Variants in NPAS3 observed in about 807,000 individuals in gnomAD.
NPAS3 encodes neuronal PAS domain protein 3.
Under a neutral mutation model 73.1 loss-of-function variants are expected in NPAS3, and 14 were observed. The ratio of observed to expected loss-of-function variants is 0.19; its 90% CI spans 0.13 to 0.30. The LOEUF (loss-of-function observed/expected upper bound fraction) is 0.30. Among genes scored for constraint, NPAS3 ranks in the 10% least tolerant of loss-of-function variants. The pLI is 1.00. For synonymous variants in NPAS3, 620 were observed against 541.5 expected, an observed-to-expected ratio of 1.14 and a Z score of -2.01; for missense variants, 1,096 against 1,250.0, an observed-to-expected ratio of 0.88 and a Z score of 1.86.
Position 33,646,370 on chromosome 14 carries a change from C to T in NPAS3, c.559-29841C>T, listed in dbSNP as rs149026220. Among the ~76,000 whole-genome samples the T allele has an allele frequency of 2.9e-3, 438 of 152,094 alleles. 2 individuals are homozygous for T. The Middle Eastern group carries it at 0.031, about 11-fold the overall frequency. Reference sequence around the variant, plus strand: ...TACATTTTCTTAAATTTATTTAAGACCCATTTTCTCTCCAGCCTTAGAATG... The same window carrying T: ...TACATTTTCTTAAATTTATTTAAGATCCATTTTCTCTCCAGCCTTAGAATG... On this transcript the variant is annotated intron_variant, in intron 5 of 11. Coordinates refer to ENST00000356141, the Ensembl canonical transcript of NPAS3.
At chr14:33,284,462 T>C (rs1387686071) in intron 3 of NPAS3, among the ~76,000 whole-genome samples, 3 of 152,128 alleles carry the variant, frequency 2.0e-5, no homozygotes, top group Non-Finnish European at 4.4e-5. Context: ...TAGGAAGCTG[T>C]ACATGCAGGT....
intron 2 of NPAS3, among the ~76,000 whole-genome samples, chr14:33,086,717 A>G (rs10872873): frequency 0.13 from 20,398 of 152,118 alleles, 1,830 homozygotes; most frequent in Admixed American, 0.27. Context: ...TTTTCTTCCA[A>G]CCCTTTTAAA....
intron 5 of NPAS3, among the ~76,000 whole-genome samples, chr14:33,641,533 G>A (rs1214381962): frequency 1.3e-5 from 2 of 152,146 alleles, no homozygotes; most frequent in Admixed American, 6.5e-5. Context: ...GGGCTAGGGG[G>A]TGATTCTTTT....
chr14:33,559,760 T>G (rs1463448449), intron 4 of NPAS3, among the ~76,000 whole-genome samples: 2 of 152,232 alleles, frequency 1.3e-5, no homozygotes, highest in East Asian at 3.9e-4. Context: ...GGCTTACGCC[T>G]GTAATCCCAG....
At chr14:33,292,319 T>C (rs1287601709) in intron 3 of NPAS3, among the ~76,000 whole-genome samples, 1 of 152,160 alleles carries the variant, frequency 6.6e-6, no homozygotes, top group Non-Finnish European at 1.5e-5. Context: ...GGAAGGATAA[T>C]AGACTCTCAA....
At chr14:33,576,395 T>C (rs1162189377) in intron 5 of NPAS3, among the ~76,000 whole-genome samples, 2 of 152,226 alleles carry the variant, frequency 1.3e-5, no homozygotes, top group Non-Finnish European at 2.9e-5. Flanking sequence ...TTGGTGTCTG[T>C]CGCCTTGAGC....
At chr14:32,993,790 A>G (rs981482673) in intron 1 of NPAS3, among the ~76,000 whole-genome samples, 2 of 151,702 alleles carry the variant, frequency 1.3e-5, no homozygotes, top group African/African-American at 2.4e-5. Flanking sequence ...AAGAAAATGG[A>G]AAAAAAATAA....
In NPAS3 at chr14:33,800,603, G is replaced by T; in HGVS notation, c.2296G>T (p.Gly766Cys). The change falls in exon 12 of 12, where the codon GGC (glycine) becomes TGC (cysteine). Residue 766 changes from glycine to cysteine, a missense_variant. Gly to Cys is a radical substitution (Grantham distance 159, BLOSUM62 -3). Around this residue, in one of 5 missense-constraint regions of NPAS3, gnomAD observed 698 missense variants for 676.7 expected, o/e 1.03. Coordinates refer to ENST00000356141, the Ensembl canonical transcript of NPAS3. The surrounding 1 kb of genome is among the most constrained non-coding windows in gnomAD (Gnocchi z 6.5). Reference sequence around the variant, plus strand: ...CAAGCACCCCGGGAACGGCGGCGGGGGCGGGGGCGGGGGCGGCGGCGCGGG... The same window carrying T: ...CAAGCACCCCGGGAACGGCGGCGGGTGCGGGGGCGGGGGCGGCGGCGCGGG... 1 of 1,311,094 alleles carries T rather than the reference G, an allele frequency of 7.6e-7. No homozygotes were observed. The highest frequency in any genetic ancestry group is 9.6e-7 in the Non-Finnish European group (1 of 1,038,340). 81.2% of individuals were successfully genotyped at this position (1,311,094 alleles called of 1,614,324 possible).
chr14:33,772,382 C>T (rs1025904362), intron 7 of NPAS3, among the ~76,000 whole-genome samples: 8 of 152,178 alleles, frequency 5.3e-5, no homozygotes, highest in Admixed American at 2.0e-4. Context: ...ACCATGATGG[C>T]CACAGGCAAA....
At chr14:33,642,378 C>T (rs1442206321) in intron 5 of NPAS3, among the ~76,000 whole-genome samples, 1 of 152,078 alleles carries the variant, frequency 6.6e-6, no homozygotes, top group Non-Finnish European at 1.5e-5. Flanking sequence ...ATTCAGCAAG[C>T]GGCAATAGAT....
intron 4 of NPAS3, among the ~76,000 whole-genome samples, chr14:33,498,688 G>A (rs1313552736): frequency 7.6e-6 from 1 of 130,968 alleles, no homozygotes; most frequent in Non-Finnish European, 1.6e-5. Context: ...GTGGCCTGTT[G>A]GGGGATGGGG....
chr14:33,563,067 G>C (rs989836955), intron 5 of NPAS3, among the ~76,000 whole-genome samples: 2 of 152,152 alleles, frequency 1.3e-5, no homozygotes, highest in East Asian at 3.9e-4. Context: ...TAAAGACAAT[G>C]TGTAACTCTG....
intron 4 of NPAS3, among the ~76,000 whole-genome samples, chr14:33,414,885 A>T (rs2048084378): frequency 6.6e-6 from 1 of 152,102 alleles, no homozygotes; most frequent in African/African-American, 2.4e-5. Context: ...TTAGGGTATG[A>T]AAGTTGTGGA....
At chr14:33,736,522 G>A (rs990214633) in intron 7 of NPAS3, among the ~76,000 whole-genome samples, 3 of 152,074 alleles carry the variant, frequency 2.0e-5, no homozygotes, top group African/African-American at 7.2e-5. Context: ...GTGTGTTCAG[G>A]GAAAGAAAAC....
chr14:33,554,372 G>T (rs1445960615), intron 4 of NPAS3, among the ~76,000 whole-genome samples: 1 of 152,152 alleles, frequency 6.6e-6, no homozygotes, highest in Admixed American at 6.5e-5. Flanking sequence ...ATCACGTATG[G>T]GCATTTTCTC....
At chr14:33,329,618 CAG>C (rs1458927135) in intron 3 of NPAS3, among the ~76,000 whole-genome samples, 1 of 152,024 alleles carries the variant, frequency 6.6e-6, no homozygotes, top group Non-Finnish European at 1.5e-5. Flanking sequence ...AGGATAGTCT[CAG>C]AGGAGGTTGG....
chr14:33,330,500 C>T (rs908223709), intron 3 of NPAS3, among the ~76,000 whole-genome samples: 3 of 152,108 alleles, frequency 2.0e-5, no homozygotes, highest in African/African-American at 7.2e-5. Flanking sequence ...CTTGGGAGGC[C>T]ATATTAATGA....
In NPAS3 at chr14:33,231,702, TTTTC is replaced by T. The variant is rs1231659018; in HGVS notation, c.385+16282_385+16285del. Among the ~76,000 whole-genome samples, 36 of 152,194 alleles carry T rather than the reference TTTTC, an allele frequency of 2.4e-4. 1 individual carries two copies. The highest frequency in any genetic ancestry group is 7.7e-4 in the African/African-American group (32 of 41,450). ...TAAAACCTCATGAGATGAGCATCAT[TTTTC>T]TTTCTCGTATGTAGAACTCTCTTTT... On this transcript the variant is annotated intron_variant, in intron 3 of 11. Transcript: ENST00000356141.
At chr14:33,291,737 T>C (rs930718148) in intron 3 of NPAS3, among the ~76,000 whole-genome samples, 3 of 152,230 alleles carry the variant, frequency 2.0e-5, no homozygotes, top group Non-Finnish European at 2.9e-5. Context: ...TTCACAATCA[T>C]GTCAACCTGT....
Sources: allele counts gnomAD v4.1 joint callset (sites outside exome capture counted in the v4.1 genomes callset), GRCh38; gene constraint gnomAD v4.1.1; regional missense constraint gnomAD v4.1.1; non-coding constraint Gnocchi (gnomAD v3.1); transcripts MANE v1.5; gene names NCBI Gene and HGNC (gene_info 2026-07-23, HGNC 2026-07-21).